MAST2: variants seen among roughly 807,000 people sequenced by gnomAD.
The protein encoded by MAST2 is microtubule associated serine/threonine kinase 2, also known as microtubule-associated serine/threonine-protein kinase 2.
MAST2 carries 70 observed loss-of-function variants against 147.4 expected under a neutral mutation model. The observed-to-expected ratio is 0.47, with a 90% CI of 0.39 to 0.58. MAST2 has a LOEUF of 0.58. MAST2 is among the 20% of genes least tolerant of loss of function. The pLI is 0.00. For synonymous variants in MAST2, 869 were observed against 896.8 expected (o/e 0.97, Z 0.55); for missense variants, 2,080 against 2,302.3 (o/e 0.90, Z 1.98).
intron 4 of MAST2, among the ~76,000 whole-genome samples, chr1:45,944,809 T>G (rs952511986): frequency 4.6e-5 from 7 of 152,218 alleles, no homozygotes; most frequent in Admixed American, 2.0e-4. Context: ...ATCTTCTGCC[T>G]TCCTCTTGGA....
chr1:45,852,978 T>C (rs1645670618), intron 3 of MAST2, among the ~76,000 whole-genome samples: 1 of 152,174 alleles, frequency 6.6e-6, no homozygotes, highest in African/African-American at 2.4e-5. Flanking sequence ...TCACCCAGGC[T>C]GGAGTGCAGT....
intron 3 of MAST2, among the ~76,000 whole-genome samples, chr1:45,837,905 A>C (rs1386459789): frequency 1.3e-5 from 2 of 152,094 alleles, no homozygotes; most frequent in African/African-American, 2.4e-5. Flanking sequence ...CAGCCTCTCA[A>C]GTAGCTGAAA....
chr1:45,926,287 C>A (rs1479083487), intron 4 of MAST2, among the ~76,000 whole-genome samples: 1 of 152,238 alleles, frequency 6.6e-6, no homozygotes, highest in East Asian at 1.9e-4. Flanking sequence ...ATTACCTGGG[C>A]TGCTAGACTG....
chr1:45,987,777 A>ATTTTTTTTTTTTTTTTTTTTTTTGTTT (rs1644696222), intron 5 of MAST2, among the ~76,000 whole-genome samples: 1 of 21,778 alleles, frequency 4.6e-5, no homozygotes, highest in African/African-American at 2.1e-4. Flanking sequence ...TTTTTTTTTG[A>ATTTTTTTTTTTTTTTTTTTTTTTGTTT]TTTTTTTTTT....
chr1:46,023,111 A>G lies in MAST2; in HGVS notation c.1486-122A>G. ...AACACTGAGAAGTCATTCTACTCCCAGAAGAATGAGCAGGAGACTGCACTA... is the reference window on the plus strand; with the variant it reads ...AACACTGAGAAGTCATTCTACTCCCGGAAGAATGAGCAGGAGACTGCACTA... On this transcript the variant is annotated intron_variant, in intron 13 of 28. Coordinates refer to ENST00000361297, the MANE Select transcript of MAST2 (RefSeq NM_015112.3). This position sits in a 1 kb window ranked among gnomAD's most constrained non-coding sequence, Gnocchi z 4.9. 1 of 1,200,056 alleles carries G rather than the reference A, an allele frequency of 8.3e-7. No homozygotes were observed. 74.3% of individuals were successfully genotyped at this position (1,200,056 alleles called of 1,614,324 possible). A position where few individuals can be genotyped will look rare whatever the true frequency, so the allele number is the denominator to read the frequency against.
intron 7 of MAST2, among the ~76,000 whole-genome samples, chr1:46,003,428 G>A (rs764033043): frequency 1.3e-5 from 2 of 152,034 alleles, no homozygotes; most frequent in East Asian, 1.9e-4. Flanking sequence ...CACAAGAGCT[G>A]TACTAATTGC....
At position 46,035,213 on chromosome 1, in the gene MAST2, G is replaced by A; in HGVS notation, c.4544G>A (p.Ser1515Asn). Residue 1515 changes from serine to asparagine, a missense_variant, in exon 29 of 29, where the codon AGC (serine) becomes AAC (asparagine). Coordinates refer to ENST00000361297, the MANE Select transcript of MAST2 (RefSeq NM_015112.3). The surrounding 1 kb of genome is among the most constrained non-coding windows in gnomAD (Gnocchi z 5.5). Reference protein sequence around the residue: ...EDDTEEGPENSQGAQELSLAP... With the variant: ...EDDTEEGPENNQGAQELSLAP... ...GACACCGAGGAAGGGCCTGAGAACAGCCAGGGTGCACAGGAGCTGAGCTTG... is the reference window on the plus strand; with the variant it reads ...GACACCGAGGAAGGGCCTGAGAACAACCAGGGTGCACAGGAGCTGAGCTTG... 6.2e-7 allele frequency: 1 copy of A among 1,614,086 alleles called. No individual in the cohort carries two copies. The highest frequency in any genetic ancestry group is 8.5e-7 in the Non-Finnish European group (1 of 1,180,040).
intron 4 of MAST2, among the ~76,000 whole-genome samples, chr1:45,949,108 C>T (rs1453801875): frequency 2.0e-5 from 3 of 150,152 alleles, no homozygotes; most frequent in South Asian, 4.3e-4. Flanking sequence ...AAGACTTAAA[C>T]GTAAAACTAT....
At chr1:45,867,102 G>C (rs1384591193) in intron 3 of MAST2, among the ~76,000 whole-genome samples, 23 of 152,134 alleles carry the variant, frequency 1.5e-4, no homozygotes, top group Non-Finnish European at 7.3e-5. Flanking sequence ...CCAGAAGATT[G>C]CTTTGGAACA....
At chr1:46,029,021 T>C in intron 18 of MAST2, 88 bp downstream of exon 18, 1 of 1,407,618 alleles carries the variant, frequency 7.1e-7, no homozygotes, top group Non-Finnish European at 9.6e-7. Flanking sequence ...GCCTGTGAGC[T>C]CTTGTTCTGA....
At chr1:45,946,433 A>G (rs764577283) in intron 4 of MAST2, among the ~76,000 whole-genome samples, 1 of 151,984 alleles carries the variant, frequency 6.6e-6, no homozygotes, top group African/African-American at 2.4e-5. Flanking sequence ...TATTTGGCCA[A>G]TTTCCTCCCT....
intron 3 of MAST2, among the ~76,000 whole-genome samples, chr1:45,850,673 C>G (rs924777894): frequency 6.6e-6 from 1 of 152,046 alleles, no homozygotes; most frequent in South Asian, 2.1e-4. Context: ...CTGCATGTGC[C>G]TAGCCAGCTA....
intron 1 of MAST2, among the ~76,000 whole-genome samples, chr1:45,815,868 G>A (rs1161567596): frequency 6.6e-6 from 1 of 152,148 alleles, no homozygotes; most frequent in Non-Finnish European, 1.5e-5. Context: ...CCTAACTACT[G>A]GAGGGCTGGG....
intron 4 of MAST2, among the ~76,000 whole-genome samples, chr1:45,909,004 C>T (rs1651230529): frequency 6.6e-6 from 1 of 152,280 alleles, no homozygotes; most frequent in Non-Finnish European, 1.5e-5. Flanking sequence ...GTCATAGTTA[C>T]AGGTGGAAGT....
chr1:46,032,564 C>G lies in MAST2; in HGVS notation c.3415-32C>G, dbSNP rs769496094. 5.0e-6 allele frequency: 8 copies of G among 1,610,174 alleles called. No homozygotes were observed. In the East Asian group the frequency reaches 1.6e-4, roughly 31 times the overall value. On this transcript the variant is annotated intron_variant, in intron 25 of 28. Coordinates refer to ENST00000361297, the MANE Select transcript of MAST2 (RefSeq NM_015112.3). Reference sequence around the variant, plus strand: ...AGGCCCCATACTTCGTGTTCAGGCTCCAGTCTGAGTACTGTTCTCTTCCTG... The same window carrying G: ...AGGCCCCATACTTCGTGTTCAGGCTGCAGTCTGAGTACTGTTCTCTTCCTG...
At chr1:45,966,690 C>A (rs978861812) in intron 5 of MAST2, among the ~76,000 whole-genome samples, 1 of 151,996 alleles carries the variant, frequency 6.6e-6, no homozygotes, top group African/African-American at 2.4e-5. Context: ...CCACTGCACT[C>A]CAGCCTGGGC....
intron 4 of MAST2, among the ~76,000 whole-genome samples, chr1:45,901,661 A>G (rs1205558053): frequency 6.6e-6 from 1 of 152,046 alleles, no homozygotes; most frequent in African/African-American, 2.4e-5. Flanking sequence ...GATTTCTTTC[A>G]TCAGTGTTCT....
At chr1:45,817,851 A>G (rs1363503701) in intron 1 of MAST2, among the ~76,000 whole-genome samples, 1 of 152,194 alleles carries the variant, frequency 6.6e-6, no homozygotes, top group African/African-American at 2.4e-5. Context: ...ACTAGGCTCA[A>G]ACACATCTTT....
chr1:45,882,186 C>T (rs1255715045), intron 3 of MAST2, among the ~76,000 whole-genome samples, 178 bp from the exon 4 acceptor site: 2 of 129,794 alleles, frequency 1.5e-5, no homozygotes, highest in South Asian at 2.6e-4. Flanking sequence ...AATGAGACTC[C>T]GTCTCAAAAA....
Sources: gnomAD v4.1 joint callset for allele counts (sites outside exome capture counted in the v4.1 genomes callset) on GRCh38, gnomAD v4.1.1 for gene constraint, Gnocchi (gnomAD v3.1) non-coding constraint, MANE v1.5 for transcripts, NCBI Gene and HGNC (gene_info 2026-07-23, HGNC 2026-07-21) for gene names.